Variants in GPAT2 observed in about 807,000 individuals in gnomAD.
GPAT2 encodes the protein glycerol-3-phosphate acyltransferase 2, mitochondrial, also known as 1-acylglycerol-3-phosphate O-acyltransferase GPAT2.
A neutral mutation model predicts 71.0 loss-of-function variants in GPAT2; 51 were observed. The ratio of observed to expected loss-of-function variants is 0.72; its 90% CI spans 0.57 to 0.91. The LOEUF is 0.91. Ranked by LOEUF, GPAT2 falls within the 40% of genes least tolerant of loss-of-function variation. GPAT2 has a pLI of 0.00. For synonymous variants in GPAT2, 222 were observed against 290.3 expected, an observed-to-expected ratio of 0.76 and a Z score of 2.39; for missense variants, 511 against 666.0, an observed-to-expected ratio of 0.77 and a Z score of 2.56.
At position 96,026,009 on chromosome 2, in the gene GPAT2, A is replaced by C; in HGVS notation, c.1159T>G (p.Tyr387Asp). The C allele has an allele frequency of 6.2e-7, 1 of 1,612,756 alleles. No homozygotes were observed. Among genetic ancestry groups the C allele is most frequent in the Non-Finnish European group, 8.5e-7 (1 of 1,179,752 alleles). The change falls in exon 12 of 22, where the codon TAC becomes GAC. Residue 387 changes from tyrosine (Y) to aspartate (D), a missense_variant. Tyr to Asp is a radical substitution (Grantham distance 160). Around this residue, in one of 7 missense-constraint regions of GPAT2, gnomAD observed 79 missense variants for 111.4 expected, o/e 0.71. Transcript: ENST00000434632. ...HLAQPFSLQEYIVSARSCWGG... is the reference protein window; with the variant it reads ...HLAQPFSLQEDIVSARSCWGG... ...CAGCAGCTTCTGGCACTGACGATGT[A>C]TTCCTGCCCAAGAGAAGGCTCTTAG...
At chr2:96,024,877 G>A (rs774903938) in intron 13 of GPAT2, 34 bp from the exon 14 acceptor site, 26 of 1,609,034 alleles carry the variant, frequency 1.6e-5, no homozygotes, top group Non-Finnish European at 2.1e-5. Context: ...ATGCTGGTCA[G>A]GTTGAGGCCC....
rs1679858738 is a variant in GPAT2 at position 96,022,970 on chromosome 2, C to G, written c.2221G>C (p.Glu741Gln). The change falls in exon 20 of 22, where the codon GAA becomes CAA. Residue 741 changes from glutamate to glutamine, a missense_variant. By Grantham distance (29) the Glu-to-Gln change is conservative. This residue lies in a region of GPAT2 where 108 missense variants were observed against 117.6 expected (regional missense o/e 0.92). Transcript: ENST00000434632. ...GGTTGGGACTCACCGAAGATCCCTT[C>G]TTCCTGGGCGGTGGCCTGCAGGAAC... is the stretch of plus-strand genomic sequence containing the variant. ...FQFLQATAQE[E>Q]GIFECADPKL... is the part of the protein sequence containing the mutation. 2 of 1,613,782 alleles carry G rather than the reference C, an allele frequency of 1.2e-6. No individual in the cohort carries two copies. Among genetic ancestry groups the G allele is most frequent in the Non-Finnish European group, 1.7e-6 (2 of 1,179,862 alleles).
Position 96,023,222 on chromosome 2 carries a change from C to T in GPAT2, c.2051G>A (p.Ser684Asn), listed in dbSNP as rs763585285. The change falls in exon 19 of 22, where the codon AGC (serine) becomes AAC (asparagine). Residue 684 changes from serine (S) to asparagine (N), a missense_variant. Ser to Asn is a conservative substitution (Grantham distance 46). Around this residue, in one of 7 missense-constraint regions of GPAT2, gnomAD observed 295 missense variants for 305.5 expected, o/e 0.97. Coordinates refer to ENST00000434632, the MANE Select transcript of GPAT2 (RefSeq NM_001321527.2). The part of the protein sequence containing the change: ...GEADGRYFRL[S>N]QQSHCPDFFL... ...GAAATCTGGGCAGTGTGACTGCTGGCTGAGCTGGAGGGGACAGGCCGGGGT... is the reference window on the plus strand; with the variant it reads ...GAAATCTGGGCAGTGTGACTGCTGGTTGAGCTGGAGGGGACAGGCCGGGGT... 8.1e-6 allele frequency: 13 copies of T among 1,609,236 alleles called. No individual in the cohort carries two copies. Among genetic ancestry groups the T allele is most frequent in the Non-Finnish European group, 1.1e-5 (13 of 1,177,970 alleles).
In GPAT2 at chr2:96,023,933, A is replaced by C; in HGVS notation, c.1904T>G (p.Val635Gly). The part of the protein sequence containing the change: ...LDRLIQCGLL[V>G]AEETPGSRPA... ...AACTGCCCTGCCTACCTCCTCAGCA[A>C]CCAGGAGCCCGCATTGGATGAGCCG... Residue 635 changes from valine to glycine, a missense_variant, in exon 17 of 22, where the codon GTT becomes GGT. By Grantham distance (109) the Val-to-Gly change is moderately radical (BLOSUM62 -3). This residue lies in a region of GPAT2 where 295 missense variants were observed against 305.5 expected (regional missense o/e 0.97). Coordinates refer to ENST00000434632, the MANE Select transcript of GPAT2 (RefSeq NM_001321527.2). 1 of 1,601,106 alleles carries C rather than the reference A, an allele frequency of 6.2e-7. No homozygotes were observed. Among genetic ancestry groups the C allele is most frequent in the South Asian group, 1.1e-5 (1 of 88,528 alleles).
Position 96,024,689 on chromosome 2 carries a change from G to A in GPAT2, c.1429-4C>T, listed in dbSNP as rs1680170457. On this transcript the variant is annotated splice_region_variant and splice_polypyrimidine_tract_variant and intron_variant, in intron 14 of 21. Transcript: ENST00000434632. ...GGAGCTGCGACAGGAACACACCCTGGGTGGGCAGAGCAGGGCTAGGCAGCA... is the reference window on the plus strand; with the variant it reads ...GGAGCTGCGACAGGAACACACCCTGAGTGGGCAGAGCAGGGCTAGGCAGCA... 3 of 1,613,638 alleles carry A rather than the reference G, an allele frequency of 1.9e-6. No homozygotes were observed. The highest frequency in any genetic ancestry group is 2.5e-6 in the Non-Finnish European group (3 of 1,179,870).
chr2:96,025,909 C>T (rs764271878), intron 12 of GPAT2, 21 bp downstream of exon 12: 1 of 1,610,172 alleles, frequency 6.2e-7, no homozygotes, highest in East Asian at 2.2e-5. Flanking sequence ...CCCCTGAGAC[C>T]CCACGCTCCT....
intron 19 of GPAT2, 34 bp from the exon 20 acceptor site, chr2:96,023,057 A>T: frequency 6.2e-7 from 1 of 1,613,998 alleles, no homozygotes; most frequent in Non-Finnish European, 8.5e-7. Context: ...CCTGGCACCC[A>T]GCACAGACAC....
rs749977367 is a variant in GPAT2 at position 96,024,630 on chromosome 2, A to G, written c.1484T>C (p.Leu495Pro). ...GEFSWLTEEILLRGFDVGFSG... is the reference protein window; with the variant it reads ...GEFSWLTEEIPLRGFDVGFSG... ...GAAGCCTACATCAAAGCCACGCAACAGTATCTCCTCCGTCAGCCAGGAGAA... is the reference window on the plus strand; with the variant it reads ...GAAGCCTACATCAAAGCCACGCAACGGTATCTCCTCCGTCAGCCAGGAGAA... Residue 495 changes from leucine (L) to proline (P), a missense_variant, in exon 15 of 22, where the codon CTG (leucine) becomes CCG (proline). Leu to Pro is a moderately conservative substitution (Grantham distance 98). This residue lies in a region of GPAT2 where 295 missense variants were observed against 305.5 expected (regional missense o/e 0.97). Coordinates refer to ENST00000434632, the MANE Select transcript of GPAT2 (RefSeq NM_001321527.2). 1 of 1,613,890 alleles carries G rather than the reference A, an allele frequency of 6.2e-7. No individual in the cohort carries two copies. The highest frequency in any genetic ancestry group is 8.5e-7 in the Non-Finnish European group (1 of 1,179,928).
rs1247323046 is a variant in GPAT2 at position 96,024,785 on chromosome 2, G to C, written c.1416C>G (p.Phe472Leu). Reference sequence around the variant, plus strand: ...TTGCACCCCCTACCTTCTGATGCTTGAAGAGCAGCAGCGTTGCCATAATGG... The same window carrying C: ...TTGCACCCCCTACCTTCTGATGCTTCAAGAGCAGCAGCGTTGCCATAATGG... ...STAIMATLLL[F>L]KHQKGVFLSQ... is the part of the protein sequence containing the mutation. Residue 472 changes from phenylalanine (F) to leucine (L), a missense_variant, in exon 14 of 22, where the codon TTC (phenylalanine) becomes TTG (leucine). Transcript: ENST00000434632. The C allele has an allele frequency of 5.0e-6, 8 of 1,613,920 alleles. No individual in the cohort carries two copies. Among genetic ancestry groups the C allele is most frequent in the Non-Finnish European group, 6.8e-6 (8 of 1,179,962 alleles).
rs752688432 is a variant in GPAT2, at chr2:96,023,323, C to T, written c.2032G>A (p.Gly678Ser). 2.8e-5 allele frequency: 45 copies of T among 1,614,092 alleles called. No individual in the cohort carries two copies. The highest frequency in any genetic ancestry group is 3.3e-4 in the Middle Eastern group (2 of 6,082). Residue 678 changes from glycine to serine, a missense_variant, in exon 18 of 22, where the codon GGC (glycine) becomes AGC (serine). Transcript: ENST00000434632. ...TTGAAACACACCCTGAAGTACCGGC[C>T]GTCAGCCTCTCCGAAGTCATCACTG... is the stretch of plus-strand genomic sequence containing the variant. ...SDSDDFGEADGRYFRLSQQSH... is the reference protein window; with the variant it reads ...SDSDDFGEADSRYFRLSQQSH...
At position 96,022,233 on chromosome 2, in the gene GPAT2, G is replaced by T. The variant is rs1459982643; in HGVS notation, c.2332C>A (p.Leu778Met). Reference protein sequence around the residue: ...TPSPAGPRLHLSPTFASLDNQ... With the variant: ...TPSPAGPRLHMSPTFASLDNQ... ...TCCAGGCTGGCAAAAGTAGGGGACA[G>T]GTGGAGCCTGGGGCCTGCAGGGCTC... Residue 778 changes from leucine (L) to methionine (M), a missense_variant, in exon 22 of 22, where the codon CTG (leucine) becomes ATG (methionine). Physicochemically the swap from Leu to Met is conservative, Grantham distance 15. Coordinates refer to ENST00000434632, the MANE Select transcript of GPAT2 (RefSeq NM_001321527.2). 1 of 1,608,900 alleles carries T rather than the reference G, an allele frequency of 6.2e-7. No individual in the cohort carries two copies. Among genetic ancestry groups the T allele is most frequent in the Admixed American group, 1.7e-5 (1 of 59,566 alleles).
intron 1 of GPAT2, among the ~76,000 whole-genome samples, chr2:96,034,028 A>G (rs1558691896): frequency 6.6e-6 from 1 of 151,578 alleles, no homozygotes; most frequent in Non-Finnish European, 1.5e-5. Context: ...ACACATATAT[A>G]CATATATAAT....
intron 10 of GPAT2, 170 bp from the exon 11 acceptor site, chr2:96,026,475 T>C (rs1294875168): frequency 9.4e-5 from 46 of 487,922 alleles, no homozygotes; most frequent in Non-Finnish European, 6.4e-6. Context: ...TCTTTCCTTA[T>C]CCATGACACA....
At position 96,023,038 on chromosome 2, in the gene GPAT2, A is replaced by G; in HGVS notation, c.2168-15T>C. 6.2e-7 allele frequency: 1 copy of G among 1,613,990 alleles called. No individual in the cohort carries two copies. Among genetic ancestry groups the G allele is most frequent in the Non-Finnish European group, 8.5e-7 (1 of 1,179,850 alleles). On this transcript the variant is annotated splice_polypyrimidine_tract_variant and intron_variant, in intron 19 of 21. Coordinates refer to ENST00000434632, the MANE Select transcript of GPAT2 (RefSeq NM_001321527.2). ...GTAGCCCAACTCTGCAGAAGAGAGA[A>G]GACCTAGACCTGGCACCCAGCACAG...
chr2:96,025,543 C>T lies in GPAT2; in HGVS notation c.1299G>A (p.Leu433=). The change falls in exon 13 of 22, where the codon CTG becomes CTA. Residue 433 remains leucine (L), a synonymous_variant. Transcript: ENST00000434632. The part of the protein sequence containing the change: ...QEWTPITGPL[L]ALKEEDQLLV... ...GGAGCTGGTCCTCTTCCTTGAGGGC[C>T]AGGAGAGGCCCAGTTATGGGGGTCC... is the stretch of plus-strand genomic sequence containing the variant. The T allele has an allele frequency of 6.4e-7, 1 of 1,565,820 alleles. No individual in the cohort carries two copies. The highest frequency in any genetic ancestry group is 1.2e-5 in the South Asian group (1 of 85,176).
In GPAT2 at chr2:96,022,289, G is replaced by T; in HGVS notation, c.2290-14C>A. ...CTGCTGCAGAACCTGGGCCATGGAAGATAAGCCGTGAGTGCGCTCACCACA... is the reference window on the plus strand; with the variant it reads ...CTGCTGCAGAACCTGGGCCATGGAATATAAGCCGTGAGTGCGCTCACCACA... On this transcript the variant is annotated splice_polypyrimidine_tract_variant and intron_variant, in intron 21 of 21. Transcript: ENST00000434632. 7.0e-6 allele frequency: 11 copies of T among 1,578,452 alleles called. No individual in the cohort carries two copies. The highest frequency in any genetic ancestry group is 9.5e-6 in the Non-Finnish European group (11 of 1,161,142).
In GPAT2 at chr2:96,024,823, C is replaced by A; in HGVS notation, c.1378G>T (p.Val460Leu). 4 of 1,613,420 alleles carry A rather than the reference C, an allele frequency of 2.5e-6. No individual in the cohort carries two copies. The highest frequency in any genetic ancestry group is 2.5e-6 in the Non-Finnish European group (3 of 1,179,970). The stretch of plus-strand genomic sequence containing the variant: ...GTTGCCATAATGGCCGTGCTCATCA[C>A]CGCAGAGCTCCCTACACTGGCTGGA... ...VLSASVGSSA[V>L]MSTAIMATLL... The change falls in exon 14 of 22, where the codon GTG becomes TTG. Residue 460 changes from valine (V) to leucine (L), a missense_variant. Physicochemically the swap from Val to Leu is conservative, Grantham distance 32. Coordinates refer to ENST00000434632, the MANE Select transcript of GPAT2 (RefSeq NM_001321527.2).
Position 96,022,155 on chromosome 2 carries a change from A to G in GPAT2, c.*4T>C. The G allele has an allele frequency of 2.5e-6, 4 of 1,610,028 alleles. No individual in the cohort carries two copies. The highest frequency in any genetic ancestry group is 3.4e-6 in the Non-Finnish European group (4 of 1,179,050). On this transcript the variant is annotated 3_prime_UTR_variant, in exon 22 of 22. Coordinates refer to ENST00000434632, the MANE Select transcript of GPAT2 (RefSeq NM_001321527.2). ...AGTCTCAGCACAGGCTCCTCCTCAC[A>G]GTTCTAGCTACAAATGAACTGCCGG... is the stretch of plus-strand genomic sequence containing the variant.
At chr2:96,023,843 G>A (rs1297182741) in intron 17 of GPAT2, 80 bp downstream of exon 17, 1 of 1,534,404 alleles carries the variant, frequency 6.5e-7, no homozygotes, top group African/African-American at 1.4e-5. Context: ...GGAGGAGCCT[G>A]GGGCAGCTGG....
Sources: gnomAD v4.1 joint callset for allele counts (sites outside exome capture counted in the v4.1 genomes callset) on GRCh38, gnomAD v4.1.1 for gene constraint, gnomAD v4.1.1 regional missense constraint, MANE v1.5 for transcripts, NCBI Gene and HGNC (gene_info 2026-07-23, HGNC 2026-07-21) for gene names.